Variants in PAK2 observed in about 807,000 individuals in gnomAD.
The protein encoded by PAK2 is p21 (RAC1) activated kinase 2.
In PAK2, 21 loss-of-function variants were observed where a neutral mutation model predicts 65.9. The ratio of observed to expected loss-of-function variants is 0.32; its 90% CI spans 0.23 to 0.46. The LOEUF is 0.46. Among genes scored for constraint, PAK2 ranks in the 20% least tolerant of loss-of-function variants. PAK2 has a pLI of 1.00. For missense variants in PAK2, 324 were observed against 642.6 expected (o/e 0.50, Z 5.36); for synonymous variants, 204 against 219.7 (o/e 0.93, Z 0.63).
At chr3:196,815,459 T>C (rs2108768853) in intron 11 of PAK2, among the ~76,000 whole-genome samples, 1 of 144,384 alleles carries the variant, frequency 6.9e-6, no homozygotes, top group East Asian at 2.1e-4. Flanking sequence ...GCCACCGCAC[T>C]CCATCCTGGG....
intron 13 of PAK2, among the ~76,000 whole-genome samples, chr3:196,821,940 T>C (rs1711669507): frequency 6.6e-6 from 1 of 152,198 alleles, no homozygotes; most frequent in African/African-American, 2.4e-5. Context: ...GGAATATTAT[T>C]TGGTCATAGA....
At chr3:196,776,831 T>C (rs999654442) in intron 1 of PAK2, among the ~76,000 whole-genome samples, 2 of 152,206 alleles carry the variant, frequency 1.3e-5, no homozygotes, top group Non-Finnish European at 2.9e-5. Context: ...TTGCTGTGAT[T>C]TCAGATTCCA....
intron 2 of PAK2, among the ~76,000 whole-genome samples, chr3:196,795,130 A>T (rs1715207741): frequency 6.6e-6 from 1 of 152,078 alleles, no homozygotes; most frequent in Non-Finnish European, 1.5e-5. Flanking sequence ...CATGAAAACT[A>T]CACCAAGGCT....
intron 2 of PAK2, among the ~76,000 whole-genome samples, chr3:196,789,049 G>C (rs763635950): frequency 6.6e-6 from 1 of 152,176 alleles, no homozygotes; most frequent in Non-Finnish European, 1.5e-5. Context: ...CCATCTCTCT[G>C]TTTTAGTTAG....
chr3:196,805,505 T>C (rs763982636), intron 5 of PAK2, 122 bp downstream of exon 5: 39 of 525,664 alleles, frequency 7.4e-5, no homozygotes, highest in Non-Finnish European at 1.0e-4. Context: ...AACTACTCAA[T>C]AGGTGTTTTT....
intron 1 of PAK2, among the ~76,000 whole-genome samples, chr3:196,750,700 A>G (rs754838418): frequency 1.3e-5 from 2 of 151,824 alleles, no homozygotes; most frequent in African/African-American, 4.8e-5. Flanking sequence ...TGAATGCTTA[A>G]AACATATTAA....
intron 2 of PAK2, among the ~76,000 whole-genome samples, chr3:196,788,566 G>A (rs1336922188): frequency 1.3e-5 from 2 of 152,132 alleles, no homozygotes; most frequent in African/African-American, 2.4e-5. Flanking sequence ...TCAGAGATGA[G>A]TGATAAAGCA....
chr3:196,740,372 A>G (rs1160499828), intron 1 of PAK2, among the ~76,000 whole-genome samples: 1 of 152,100 alleles, frequency 6.6e-6, no homozygotes, highest in Admixed American at 6.5e-5. Flanking sequence ...CTTTAGCCAG[A>G]AATGGGAAGC....
At chr3:196,747,807 T>TA (rs1713440384) in intron 1 of PAK2, among the ~76,000 whole-genome samples, 3 of 152,182 alleles carry the variant, frequency 2.0e-5, no homozygotes, top group Admixed American at 6.5e-5. Flanking sequence ...CTTATTAATG[T>TA]AAAAATCTTC....
intron 1 of PAK2, among the ~76,000 whole-genome samples, chr3:196,773,292 G>C (rs997453583): frequency 6.6e-6 from 1 of 152,084 alleles, no homozygotes; most frequent in African/African-American, 2.4e-5. Context: ...GTTACTAATG[G>C]TTAAGCAAAA....
chr3:196,791,548 T>G lies in PAK2; in HGVS notation c.187+8715T>G, dbSNP rs1297696632. Among the ~76,000 whole-genome samples, 1 of 152,214 alleles carries G rather than the reference T, an allele frequency of 6.6e-6. No homozygotes were observed. Among genetic ancestry groups the G allele is most frequent in the Non-Finnish European group, 1.5e-5 (1 of 68,044 alleles). On this transcript the variant is annotated intron_variant, in intron 2 of 14. Transcript: ENST00000327134. The surrounding 1 kb of genome is among the most constrained non-coding windows in gnomAD (Gnocchi z 4.0). Reference sequence around the variant, plus strand: ...GAACCAGGAATACTCTTGCTAGATATGTTATCTCTCACCCTTCTTTTTATA... The same window carrying G: ...GAACCAGGAATACTCTTGCTAGATAGGTTATCTCTCACCCTTCTTTTTATA...
chr3:196,823,132 CAGA>C (rs1188198054), intron 13 of PAK2, among the ~76,000 whole-genome samples: 2 of 152,202 alleles, frequency 1.3e-5, no homozygotes, highest in African/African-American at 4.8e-5. Flanking sequence ...AAAGGCAGAG[CAGA>C]AGACCAGTCA....
intron 13 of PAK2, among the ~76,000 whole-genome samples, chr3:196,822,457 G>C (rs59501766): frequency 6.6e-6 from 1 of 152,208 alleles, no homozygotes; most frequent in Non-Finnish European, 1.5e-5. Flanking sequence ...GGGAGGCCAA[G>C]GTGGGAGGAT....
intron 11 of PAK2, among the ~76,000 whole-genome samples, chr3:196,815,504 A>AG (rs1715988815): frequency 3.3e-5 from 5 of 150,488 alleles, no homozygotes; most frequent in South Asian, 2.1e-4. Context: ...AAAAAAAAAA[A>AG]GAGGCTGGGT....
intron 1 of PAK2, among the ~76,000 whole-genome samples, chr3:196,763,589 G>A (rs1714056678): frequency 6.6e-6 from 1 of 152,038 alleles, no homozygotes; most frequent in South Asian, 2.1e-4. Context: ...GCTCAGAGAC[G>A]GAGCAGAGGT....
At chr3:196,769,635 C>T (rs1001785084) in intron 1 of PAK2, among the ~76,000 whole-genome samples, 3 of 104,122 alleles carry the variant, frequency 2.9e-5, no homozygotes, top group Non-Finnish European at 5.7e-5. Context: ...CACGGTGAAA[C>T]CCCGTCTCTC....
intron 1 of PAK2, among the ~76,000 whole-genome samples, chr3:196,764,133 A>G (rs987420362): frequency 2.6e-5 from 4 of 152,034 alleles, no homozygotes; most frequent in Admixed American, 6.6e-5. Flanking sequence ...GCAGAAAACA[A>G]TTGGCTTTTA....
At chr3:196,748,619 A>C (rs1199137264) in intron 1 of PAK2, among the ~76,000 whole-genome samples, 1 of 152,190 alleles carries the variant, frequency 6.6e-6, no homozygotes, top group African/African-American at 2.4e-5. Flanking sequence ...ACTTAGCAGT[A>C]TGCATCTGAG....
rs567661919 is a variant in PAK2, at chr3:196,781,042, C to T, written c.-21-1584C>T. Among the ~76,000 whole-genome samples, 3 of 152,316 alleles carry T rather than the reference C, an allele frequency of 2.0e-5. No individual in the cohort carries two copies. In the East Asian group the frequency reaches 5.8e-4, roughly 29 times the overall value. The stretch of plus-strand genomic sequence containing the variant: ...TGACCTCGTGATCCACCCGCCTCGG[C>T]CTCCCAAAGTGCTGAGATTACAGGC... On this transcript the variant is annotated intron_variant, in intron 1 of 14. Transcript: ENST00000327134.
Sources: allele counts gnomAD v4.1 joint callset (sites outside exome capture counted in the v4.1 genomes callset), GRCh38; gene constraint gnomAD v4.1.1; non-coding constraint Gnocchi (gnomAD v3.1); transcripts MANE v1.5; gene names NCBI Gene and HGNC (gene_info 2026-07-23, HGNC 2026-07-21).